Variants in ADRA2C observed in about 807,000 individuals in gnomAD.
ADRA2C encodes the protein adrenoceptor alpha 2C.
A neutral mutation model predicts 7.9 loss-of-function variants in ADRA2C; 4 were observed. That is an observed-to-expected ratio of 0.51 (90% confidence interval 0.25 to 1.16). ADRA2C has a LOEUF of 1.16. ADRA2C is among the 50% of genes most tolerant of loss of function. ADRA2C has a pLI of 0.15. For synonymous variants in ADRA2C, 368 were observed against 328.9 expected (o/e 1.12, Z -1.29); for missense variants, 589 against 677.7 (o/e 0.87, Z 1.45).
At position 3,767,470 on chromosome 4, in the gene ADRA2C, C is replaced by A; in HGVS notation, c.864C>A (p.Ser288Arg). The A allele has an allele frequency of 7.1e-7, 1 of 1,404,540 alleles. No homozygotes were observed. Among genetic ancestry groups the A allele is most frequent in the Non-Finnish European group, 9.2e-7 (1 of 1,091,586 alleles). The allele number at this position is 1,404,540 out of a possible 1,614,324, so 87.0% of individuals were successfully genotyped here. ...PPPADVEPDE[S>R]SAAAERRRRR... ...CCGCCGACGTGGAGCCGGACGAGAGCAGCGCAGCGGCCGAGAGGCGGCGGC... is the reference window on the plus strand; with the variant it reads ...CCGCCGACGTGGAGCCGGACGAGAGAAGCGCAGCGGCCGAGAGGCGGCGGC... Residue 288 changes from serine to arginine, a missense_variant, in exon 1 of 1, where the codon AGC becomes AGA. Transcript: ENST00000330055.
rs1171838457 is a variant in ADRA2C, at chr4:3,766,979, G to T, written c.373G>T (p.Gly125Cys). 6.2e-7 allele frequency: 1 copy of T among 1,611,006 alleles called. No individual in the cohort carries two copies. The highest frequency in any genetic ancestry group is 8.5e-7 in the Non-Finnish European group (1 of 1,179,888). ...AYWYFGQVWC[G>C]VYLALDVLFC... ...CTGGTACTTCGGGCAGGTGTGGTGC[G>T]GCGTGTACCTGGCGCTCGATGTGCT... is the stretch of plus-strand genomic sequence containing the variant. The change falls in exon 1 of 1, where the codon GGC becomes TGC. Residue 125 changes from glycine (G) to cysteine (C), a missense_variant. Coordinates refer to ENST00000330055, the MANE Select transcript of ADRA2C (RefSeq NM_000683.4). This position sits in a 1 kb window ranked among gnomAD's most constrained non-coding sequence, Gnocchi z 4.5.
Position 3,767,956 on chromosome 4 carries a change from C to T in ADRA2C, c.1350C>T (p.His450=), listed in dbSNP as rs754414317. ...FNQDFRRSFK[H]ILFRRRRRGF... ...AGGATTTCCGGCGATCCTTTAAGCA[C>T]ATCCTCTTCCGACGGAGGAGAAGGG... is the stretch of plus-strand genomic sequence containing the variant. The change falls in exon 1 of 1, where the codon CAC becomes CAT. Residue 450 remains histidine, a synonymous_variant. Coordinates refer to ENST00000330055, the MANE Select transcript of ADRA2C (RefSeq NM_000683.4). The T allele has an allele frequency of 1.2e-6, 2 of 1,610,178 alleles. No homozygotes were observed. The highest frequency in any genetic ancestry group is 1.7e-6 in the Non-Finnish European group (2 of 1,179,756).
Position 3,768,101 on chromosome 4 carries a change from CAGGGCGCAGGGG to C in ADRA2C, c.*111_*122del. The C allele has an allele frequency of 6.9e-6, 1 of 145,734 alleles. No individual in the cohort carries two copies. The highest frequency in any genetic ancestry group is 6.4e-5 in the East Asian group (1 of 15,746). The allele number at this position is 145,734 out of a possible 1,614,324, so 9.0% of individuals were successfully genotyped here. A position where few individuals can be genotyped will look rare whatever the true frequency, so the allele number is the denominator to read the frequency against. ...AGAGACCCGGGGATGGATTGGCCTC[CAGGGCGCAGGGG>C]AGGGTGCGGCAGGGCAGGAGCTTGG... On this transcript the variant is annotated 3_prime_UTR_variant, in exon 1 of 1. Transcript: ENST00000330055.
Position 3,768,088 on chromosome 4 carries a change from A to AGCTC in ADRA2C, c.*93_*94insGCTC. Reference sequence around the variant, plus strand: ...GGGGAGCTTTCCCAGAGACCCGGGGATGGATTGGCCTCCAGGGCGCAGGGG... The same window carrying AGCTC: ...GGGGAGCTTTCCCAGAGACCCGGGGAGCTCTGGATTGGCCTCCAGGGCGCAGGGG... On this transcript the variant is annotated 3_prime_UTR_variant, in exon 1 of 1. Transcript: ENST00000330055. 3.4e-6 allele frequency: 4 copies of AGCTC among 1,193,408 alleles called. No individual in the cohort carries two copies. The highest frequency in any genetic ancestry group is 2.5e-5 in the East Asian group (1 of 40,702). The allele number at this position is 1,193,408 out of a possible 1,614,324, so 73.9% of individuals were successfully genotyped here. A position where few individuals can be genotyped will look rare whatever the true frequency, so the allele number is the denominator to read the frequency against.
At position 3,767,653 on chromosome 4, in the gene ADRA2C, C is replaced by T; in HGVS notation, c.1047C>T (p.Ser349=). 6.8e-7 allele frequency: 1 copy of T among 1,466,304 alleles called. No individual in the cohort carries two copies. Among genetic ancestry groups the T allele is most frequent in the Non-Finnish European group, 9.0e-7 (1 of 1,115,536 alleles). The allele number at this position is 1,466,304 out of a possible 1,614,324, so 90.8% of individuals were successfully genotyped here. A position where few individuals can be genotyped will look rare whatever the true frequency, so the allele number is the denominator to read the frequency against. The change falls in exon 1 of 1, where the codon AGC becomes AGT. Residue 349 remains serine, a synonymous_variant. Transcript: ENST00000330055. Reference sequence around the variant, plus strand: ...CCGGTGGCCGCCTGTCGCGCGCCAGCTCGCGCTCCGTCGAGTTCTTCCTGT... The same window carrying T: ...CCGGTGGCCGCCTGTCGCGCGCCAGTTCGCGCTCCGTCGAGTTCTTCCTGT... ...PGPGGRLSRA[S]SRSVEFFLSR...
chr4:3,767,306 T>C lies in ADRA2C; in HGVS notation c.700T>C (p.Tyr234His), dbSNP rs772484282. Residue 234 changes from tyrosine to histidine, a missense_variant, in exon 1 of 1, where the codon TAC becomes CAC. Coordinates refer to ENST00000330055, the MANE Select transcript of ADRA2C (RefSeq NM_000683.4). ...LIMGLVYARI[Y>H]RVAKLRTRTL... ...CATGGGCCTGGTCTACGCGCGCATCTACCGAGTGGCCAAGCTGCGCACGCG... is the reference window on the plus strand; with the variant it reads ...CATGGGCCTGGTCTACGCGCGCATCCACCGAGTGGCCAAGCTGCGCACGCG... 2 of 1,592,692 alleles carry C rather than the reference T, an allele frequency of 1.3e-6. No individual in the cohort carries two copies. Among genetic ancestry groups the C allele is most frequent in the Admixed American group, 3.5e-5 (2 of 57,314 alleles).
chr4:3,767,462 G>A lies in ADRA2C; in HGVS notation c.856G>A (p.Asp286Asn). The part of the protein sequence containing the change: ...CAPPPADVEP[D>N]ESSAAAERRR... ...GCCCCCGCCCGCCGACGTGGAGCCG[G>A]ACGAGAGCAGCGCAGCGGCCGAGAG... The change falls in exon 1 of 1, where the codon GAC (aspartate) becomes AAC (asparagine). Residue 286 changes from aspartate (D) to asparagine (N), a missense_variant. Transcript: ENST00000330055. The A allele has an allele frequency of 6.8e-7, 1 of 1,463,476 alleles. No homozygotes were observed. Among genetic ancestry groups the A allele is most frequent in the Non-Finnish European group, 8.9e-7 (1 of 1,120,420 alleles). 90.7% of individuals were successfully genotyped at this position (1,463,476 alleles called of 1,614,324 possible).
Position 3,767,312 on chromosome 4 carries a change from G to C in ADRA2C, c.706G>C (p.Val236Leu). ...MGLVYARIYR[V>L]AKLRTRTLSE... ...CCTGGTCTACGCGCGCATCTACCGA[G>C]TGGCCAAGCTGCGCACGCGCACGCT... The change falls in exon 1 of 1, where the codon GTG (valine) becomes CTG (leucine). Residue 236 changes from valine (V) to leucine (L), a missense_variant. Physicochemically the swap from Val to Leu is conservative, Grantham distance 32 (BLOSUM62 1). Coordinates refer to ENST00000330055, the MANE Select transcript of ADRA2C (RefSeq NM_000683.4). 6.3e-7 allele frequency: 1 copy of C among 1,589,096 alleles called. No individual in the cohort carries two copies.
At position 3,767,078 on chromosome 4, in the gene ADRA2C, G is replaced by A. The variant is rs202121184; in HGVS notation, c.472G>A (p.Glu158Lys). 144 of 1,610,488 alleles carry A rather than the reference G, an allele frequency of 8.9e-5. 2 individuals are homozygous for A. The East Asian group carries it at 3.1e-3, about 35-fold the overall frequency. The change falls in exon 1 of 1, where the codon GAG (glutamate) becomes AAG (lysine). Residue 158 changes from glutamate to lysine, a missense_variant. Transcript: ENST00000330055. ...CTACTGGTCGGTGACGCAGGCCGTCGAGTACAACCTGAAGCGCACACCACG... is the reference window on the plus strand; with the variant it reads ...CTACTGGTCGGTGACGCAGGCCGTCAAGTACAACCTGAAGCGCACACCACG... ...DRYWSVTQAV[E>K]YNLKRTPRRV...
rs1008570468 is a variant in ADRA2C at position 3,766,516 on chromosome 4, C to T, written c.-91C>T. ...GCGGGCGCGCCCGAGCAGCAGGCGG[C>T]GATGCGGGCGCCGACCCCGGCTGGG... On this transcript the variant is annotated 5_prime_UTR_variant, in exon 1 of 1. Transcript: ENST00000330055. The surrounding 1 kb of genome is among the most constrained non-coding windows in gnomAD (Gnocchi z 4.5). The T allele has an allele frequency of 1.3e-5, 12 of 934,876 alleles. No homozygotes were observed. The highest frequency in any genetic ancestry group is 2.6e-6 in the Non-Finnish European group (2 of 781,312). The allele number at this position is 934,876 out of a possible 1,614,324, so 57.9% of individuals were successfully genotyped here.
In ADRA2C at chr4:3,768,076, A is replaced by AGAGACCCGGGGAGCTTTCCCT; in HGVS notation, c.*93_*94insGCTTTCCCTGAGACCCGGGGA. 3 of 1,511,136 alleles carry AGAGACCCGGGGAGCTTTCCCT rather than the reference A, an allele frequency of 2.0e-6. No individual in the cohort carries two copies. Among genetic ancestry groups the AGAGACCCGGGGAGCTTTCCCT allele is most frequent in the Non-Finnish European group, 2.7e-6 (3 of 1,114,244 alleles). 93.6% of individuals were successfully genotyped at this position (1,511,136 alleles called of 1,614,324 possible). A position where few individuals can be genotyped will look rare whatever the true frequency, so the allele number is the denominator to read the frequency against. On this transcript the variant is annotated 3_prime_UTR_variant, in exon 1 of 1. Coordinates refer to ENST00000330055, the MANE Select transcript of ADRA2C (RefSeq NM_000683.4). ...GCGGCCCGGACGGGGGAGCTTTCCC[A>AGAGACCCGGGGAGCTTTCCCT]GAGACCCGGGGATGGATTGGCCTCC...
At position 3,768,323 on chromosome 4, in the gene ADRA2C, A is replaced by G; in HGVS notation, c.*328A>G. The G allele has an allele frequency of 2.8e-6, 2 of 716,768 alleles. No individual in the cohort carries two copies. Among genetic ancestry groups the G allele is most frequent in the Admixed American group, 4.0e-5 (2 of 49,952 alleles). 44.4% of individuals were successfully genotyped at this position (716,768 alleles called of 1,614,324 possible). On this transcript the variant is annotated 3_prime_UTR_variant, in exon 1 of 1. Transcript: ENST00000330055. ...GGCAGAGGTAGCCCCCTAAATGGGC[A>G]AGCAAGGAGCCCCCCAAAGACACTA... is the stretch of plus-strand genomic sequence containing the variant.
Position 3,768,358 on chromosome 4 carries a change from A to C in ADRA2C, c.*363A>C. Reference sequence around the variant, plus strand: ...CCCCCCAAAGACACTACCACTCCCCATCCCCGTCTGACCAAGGGCTGACTT... The same window carrying C: ...CCCCCCAAAGACACTACCACTCCCCCTCCCCGTCTGACCAAGGGCTGACTT... On this transcript the variant is annotated 3_prime_UTR_variant, in exon 1 of 1. Transcript: ENST00000330055. The C allele has an allele frequency of 1.4e-6, 1 of 706,240 alleles. No homozygotes were observed. The highest frequency in any genetic ancestry group is 1.5e-5 in the South Asian group (1 of 65,858). The allele number at this position is 706,240 out of a possible 1,614,324, so 43.7% of individuals were successfully genotyped here.
Position 3,766,511 on chromosome 4 carries a change from G to A in ADRA2C, c.-96G>A. 1 of 914,462 alleles carries A rather than the reference G, an allele frequency of 1.1e-6. No homozygotes were observed. Among genetic ancestry groups the A allele is most frequent in the Non-Finnish European group, 1.3e-6 (1 of 763,980 alleles). 56.6% of individuals were successfully genotyped at this position (914,462 alleles called of 1,614,324 possible). A position where few individuals can be genotyped will look rare whatever the true frequency, so the allele number is the denominator to read the frequency against. ...CCCCGGCGGGCGCGCCCGAGCAGCA[G>A]GCGGCGATGCGGGCGCCGACCCCGG... On this transcript the variant is annotated 5_prime_UTR_variant, in exon 1 of 1. Coordinates refer to ENST00000330055, the MANE Select transcript of ADRA2C (RefSeq NM_000683.4). This position sits in a 1 kb window ranked among gnomAD's most constrained non-coding sequence, Gnocchi z 4.5.
Position 3,767,607 on chromosome 4 carries a change from C to T in ADRA2C, c.1001C>T (p.Thr334Ile). The T allele has an allele frequency of 7.6e-7, 1 of 1,314,552 alleles. No individual in the cohort carries two copies. The allele number at this position is 1,314,552 out of a possible 1,614,324, so 81.4% of individuals were successfully genotyped here. A position where few individuals can be genotyped will look rare whatever the true frequency, so the allele number is the denominator to read the frequency against. ...GGGGCGGCTGAGTCGGGGGCGCTGA[C>T]CGCCTCCAGGTCCCCGGGGCCCGGT... is the stretch of plus-strand genomic sequence containing the variant. ...GPGAAESGAL[T>I]ASRSPGPGGR... The change falls in exon 1 of 1, where the codon ACC becomes ATC. Residue 334 changes from threonine (T) to isoleucine (I), a missense_variant. Thr to Ile is a moderately conservative substitution (Grantham distance 89, BLOSUM62 -1). Transcript: ENST00000330055.
In ADRA2C at chr4:3,768,455, G is replaced by A. The variant is rs929329854; in HGVS notation, c.*460G>A. Reference sequence around the variant, plus strand: ...CACCGACAATCTTTGATTACTGAAAGTATTTAAATGTTTGCCAAAAACAAC... The same window carrying A: ...CACCGACAATCTTTGATTACTGAAAATATTTAAATGTTTGCCAAAAACAAC... On this transcript the variant is annotated 3_prime_UTR_variant, in exon 1 of 1. Transcript: ENST00000330055. 1.7e-6 allele frequency: 1 copy of A among 598,780 alleles called. No homozygotes were observed. Among genetic ancestry groups the A allele is most frequent in the Non-Finnish European group, 3.0e-6 (1 of 328,448 alleles). The allele number at this position is 598,780 out of a possible 1,614,324, so 37.1% of individuals were successfully genotyped here. A position where few individuals can be genotyped will look rare whatever the true frequency, so the allele number is the denominator to read the frequency against.
rs371654820 is a variant in ADRA2C, at chr4:3,766,968, A to G, written c.362A>G (p.Gln121Arg). The G allele has an allele frequency of 2.5e-6, 4 of 1,610,874 alleles. No homozygotes were observed. In the African/African-American group the frequency reaches 5.3e-5, roughly 22 times the overall value. The change falls in exon 1 of 1, where the codon CAG becomes CGG. Residue 121 changes from glutamine (Q) to arginine (R), a missense_variant. Gln to Arg is a conservative substitution (Grantham distance 43, BLOSUM62 1). Transcript: ENST00000330055. This position sits in a 1 kb window ranked among gnomAD's most constrained non-coding sequence, Gnocchi z 4.5. ...NELMAYWYFG[Q>R]VWCGVYLALD... ...CTCATGGCCTACTGGTACTTCGGGC[A>G]GGTGTGGTGCGGCGTGTACCTGGCG...
Position 3,767,392 on chromosome 4 carries a change from C to G in ADRA2C, c.786C>G (p.Asn262Lys), listed in dbSNP as rs1429513969. The G allele has an allele frequency of 3.3e-6, 5 of 1,535,302 alleles. No individual in the cohort carries two copies. The African/African-American group carries it at 5.5e-5, about 17-fold the overall frequency. The change falls in exon 1 of 1, where the codon AAC (asparagine) becomes AAG (lysine). Residue 262 changes from asparagine to lysine, a missense_variant. Transcript: ENST00000330055. ...ACGGTGCGTCCCCGACTACCGAAAA[C>G]GGGCTGGGCGCGGCGGCAGGCGCAG... ...GPDGASPTTE[N>K]GLGAAAGAGE...
Position 3,766,840 on chromosome 4 carries a change from CA to C in ADRA2C, c.235del (p.Ser79AlafsTer75). 6.3e-7 allele frequency: 1 copy of C among 1,588,494 alleles called. No individual in the cohort carries two copies. The highest frequency in any genetic ancestry group is 8.6e-7 in the Non-Finnish European group (1 of 1,168,452). On this transcript the variant is annotated frameshift_variant, in exon 1 of 1. Coordinates refer to ENST00000330055, the MANE Select transcript of ADRA2C (RefSeq NM_000683.4). LOFTEE classifies it low-confidence loss of function (END_TRUNC). This position sits in a 1 kb window ranked among gnomAD's most constrained non-coding sequence, Gnocchi z 4.5. ...NVLVVIAVLTSRALRAPQNLF... is the reference protein window; with the variant it reads ...NVLVVIAVLTXRALRAPQNLF... ...TGCTGGTGGTGATCGCCGTGCTGACCAGCCGGGCGCTGCGCGCGCCACAGAA... is the reference window on the plus strand; with the variant it reads ...TGCTGGTGGTGATCGCCGTGCTGACCGCCGGGCGCTGCGCGCGCCACAGAA...
Sources: allele counts gnomAD v4.1 joint callset, GRCh38; gene constraint gnomAD v4.1.1; non-coding constraint Gnocchi (gnomAD v3.1); transcripts MANE v1.5; gene names NCBI Gene and HGNC (gene_info 2026-07-23, HGNC 2026-07-21).